STEAP1B: variants seen among roughly 807,000 people sequenced by gnomAD.
The protein encoded by STEAP1B is STEAP family member 1B.
A neutral mutation model predicts 27.9 loss-of-function variants in STEAP1B; 13 were observed. That is an observed-to-expected ratio of 0.47 (90% CI 0.30 to 0.74). STEAP1B has a LOEUF of 0.74. Among genes scored for constraint, STEAP1B ranks in the 30% least tolerant of loss-of-function variants. The probability of loss-of-function intolerance (pLI) is 0.06; values close to 1 mark genes in which losing one functional copy is unlikely to be tolerated. For missense variants in STEAP1B, 250 were observed against 298.7 expected (o/e 0.84, Z 1.20); for synonymous variants, 86 against 107.1 (o/e 0.80, Z 1.22).
At chr7:22,461,419 C>G (rs533601518) in intron 4 of STEAP1B, among the ~76,000 whole-genome samples, 34 of 152,112 alleles carry the variant, frequency 2.2e-4, no homozygotes, top group Middle Eastern at 3.2e-3. Flanking sequence ...CCCACCACCA[C>G]GCCCAGCTAA....
intron 4 of STEAP1B, among the ~76,000 whole-genome samples, chr7:22,432,492 C>T (rs369040899): frequency 6.6e-6 from 1 of 152,154 alleles, no homozygotes; most frequent in African/African-American, 2.4e-5. Flanking sequence ...GGGAGGATCG[C>T]TTGAGCCCTG....
Position 22,493,777 on chromosome 7 carries a change from T to C in STEAP1B, c.144A>G (p.Gln48=), listed in dbSNP as rs1308000639. ...LKRPVLLHLQ[Q]TAHADEFDCP... is the part of the protein sequence containing the mutation. ...AGTCAAATTCATCAGCATGGGCTGT[T>C]TGCTGCAAATGCAAAAGCACAGGTC... is the stretch of plus-strand genomic sequence containing the variant. The change falls in exon 3 of 5, where the codon CAA becomes CAG. Residue 48 remains glutamine, a synonymous_variant. Coordinates refer to ENST00000678116, the MANE Select transcript of STEAP1B (RefSeq NM_001382447.1). 1.2e-6 allele frequency: 2 copies of C among 1,613,612 alleles called. No homozygotes were observed. Among genetic ancestry groups the C allele is most frequent in the Non-Finnish European group, 1.7e-6 (2 of 1,179,790 alleles).
intron 3 of STEAP1B, among the ~76,000 whole-genome samples, chr7:22,493,111 T>C (rs551454004): frequency 6.6e-6 from 1 of 152,334 alleles, no homozygotes; most frequent in South Asian, 2.1e-4. Context: ...GTTGCTAAAG[T>C]TGTACCTTAT....
intron 4 of STEAP1B, among the ~76,000 whole-genome samples, chr7:22,441,315 T>C (rs1176649464): frequency 2.6e-5 from 4 of 152,202 alleles, no homozygotes; most frequent in African/African-American, 9.7e-5. Context: ...CTATTGGACT[T>C]CCTTGAGAGC....
chr7:22,492,407 G>C, intron 4 of STEAP1B, 158 bp downstream of exon 4: 5 of 1,008,054 alleles, frequency 5.0e-6, no homozygotes, highest in Non-Finnish European at 6.4e-6. Flanking sequence ...AGAAGCAATA[G>C]GGAAAACAAC....
At chr7:22,469,084 C>G (rs1004304483) in intron 4 of STEAP1B, among the ~76,000 whole-genome samples, 4 of 152,046 alleles carry the variant, frequency 2.6e-5, no homozygotes, top group African/African-American at 4.8e-5. Context: ...CATCACAGCT[C>G]TGTGTGTGTT....
chr7:22,440,173 TG>T (rs1295439566), intron 4 of STEAP1B, among the ~76,000 whole-genome samples: 13 of 152,306 alleles, frequency 8.5e-5, no homozygotes, highest in African/African-American at 3.1e-4. Flanking sequence ...AATTTGAAAT[TG>T]TTTCTACCAG....
chr7:22,474,041 G>C (rs1785931514), intron 4 of STEAP1B, among the ~76,000 whole-genome samples: 2 of 152,198 alleles, frequency 1.3e-5, no homozygotes, highest in African/African-American at 4.8e-5. Context: ...AATATAAACA[G>C]TTATGGGATG....
intron 4 of STEAP1B, among the ~76,000 whole-genome samples, chr7:22,482,071 T>A (rs1194813596): frequency 2.0e-5 from 3 of 152,148 alleles, no homozygotes; most frequent in Non-Finnish European, 2.9e-5. Context: ...CATGTCTGGG[T>A]CTGGTCCTCA....
intron 4 of STEAP1B, among the ~76,000 whole-genome samples, chr7:22,426,903 A>C (rs1222312911): frequency 1.3e-5 from 2 of 152,228 alleles, no homozygotes; most frequent in Non-Finnish European, 2.9e-5. Context: ...CAGGTGTAAA[A>C]TTTTACACGG....
intron 4 of STEAP1B, chr7:22,438,531 G>A: frequency 6.4e-7 from 1 of 1,551,468 alleles, no homozygotes; most frequent in East Asian, 2.4e-5. Context: ...CTTTTTTATT[G>A]AGATTTTCTA....
chr7:22,420,956 G>A (rs1473199224), intron 4 of STEAP1B, among the ~76,000 whole-genome samples: 1 of 152,204 alleles, frequency 6.6e-6, no homozygotes, highest in Non-Finnish European at 1.5e-5. Context: ...AGGTAGTCTG[G>A]CTCTCACATG....
intron 4 of STEAP1B, among the ~76,000 whole-genome samples, chr7:22,459,203 G>A (rs117551394): frequency 1.3e-5 from 2 of 152,202 alleles, no homozygotes; most frequent in African/African-American, 4.8e-5. Flanking sequence ...CATAGGCACA[G>A]GCTTTGATTC....
At chr7:22,423,548 C>A (rs1185225509) in intron 4 of STEAP1B, among the ~76,000 whole-genome samples, 4 of 152,136 alleles carry the variant, frequency 2.6e-5, no homozygotes, top group Non-Finnish European at 1.5e-5. Flanking sequence ...TTATATGAAA[C>A]GTCCAGGAAT....
At chr7:22,463,017 G>A (rs2128408465) in intron 4 of STEAP1B, among the ~76,000 whole-genome samples, 1 of 152,248 alleles carries the variant, frequency 6.6e-6, no homozygotes, top group East Asian at 1.9e-4. Context: ...TTTTTTGGCT[G>A]CATAAATGTC....
intron 4 of STEAP1B, among the ~76,000 whole-genome samples, chr7:22,481,684 G>A (rs10224370): frequency 1.3e-5 from 2 of 152,194 alleles, no homozygotes; most frequent in Admixed American, 6.5e-5. Flanking sequence ...CTCACGTAAC[G>A]GTCTACTTTA....
chr7:22,456,966 ATATATATTTTTT>A (rs143998022), intron 4 of STEAP1B, among the ~76,000 whole-genome samples: 3 of 36,790 alleles, frequency 8.2e-5, no homozygotes, highest in Admixed American at 6.6e-4. Flanking sequence ...ATATATATAT[ATATATATTTTTT>A]TTTTTTTTAA....
At chr7:22,439,604 A>G (rs1785301688) in intron 4 of STEAP1B, among the ~76,000 whole-genome samples, 1 of 152,174 alleles carries the variant, frequency 6.6e-6, no homozygotes, top group Admixed American at 6.6e-5. Context: ...AGGAATACAA[A>G]ATTTTGGGGG....
At chr7:22,498,243 G>T (rs572472702) in intron 1 of STEAP1B, among the ~76,000 whole-genome samples, 26 of 127,264 alleles carry the variant, frequency 2.0e-4, no homozygotes, top group Non-Finnish European at 2.0e-4. Flanking sequence ...CAGCACCAAG[G>T]GGGGATGGTG....
Sources: gnomAD v4.1 joint callset for allele counts (sites outside exome capture counted in the v4.1 genomes callset) on GRCh38, gnomAD v4.1.1 for gene constraint, MANE v1.5 for transcripts, NCBI Gene and HGNC (gene_info 2026-07-23, HGNC 2026-07-21) for gene names.